Variants in CCM2 observed in about 807,000 individuals in gnomAD.
CCM2 encodes the protein CCM2 scaffold protein.
Under a neutral mutation model 44.9 loss-of-function variants are expected in CCM2, and 25 were observed. The observed-to-expected ratio is 0.56, with a 90% confidence interval of 0.41 to 0.78. The LOEUF is 0.78. Among genes scored for constraint, CCM2 ranks in the 30% least tolerant of loss-of-function variants. The pLI, the probability that CCM2 is intolerant of heterozygous loss-of-function variation, is 0.00. For missense variants in CCM2, 481 were observed against 580.6 expected (o/e 0.83, Z 1.76); for synonymous variants, 219 against 241.1 (o/e 0.91, Z 0.85).
At chr7:45,044,098 C>T (rs1245910932) in intron 2 of CCM2, among the ~76,000 whole-genome samples, 10 of 152,120 alleles carry the variant, frequency 6.6e-5, no homozygotes, top group Non-Finnish European at 1.2e-4. Context: ...TTTATTTTTT[C>T]CATTCCCTCC....
intron 1 of CCM2, among the ~76,000 whole-genome samples, chr7:45,023,131 CCTTT>C (rs1187173773): frequency 6.6e-6 from 1 of 152,194 alleles, no homozygotes; most frequent in East Asian, 1.9e-4. Flanking sequence ...CCACTTTCTC[CCTTT>C]CTAAGTCTCC....
intron 1 of CCM2, among the ~76,000 whole-genome samples, chr7:45,005,897 G>A (rs1795828839): frequency 6.6e-6 from 1 of 152,258 alleles, no homozygotes; most frequent in Non-Finnish European, 1.5e-5. Context: ...GTCCTGGGAA[G>A]TCCTTGGGCT....
intron 1 of CCM2, among the ~76,000 whole-genome samples, chr7:45,030,651 G>C (rs925536652): frequency 6.6e-6 from 1 of 152,178 alleles, no homozygotes; most frequent in Admixed American, 6.5e-5. Context: ...CTGGCCTCAA[G>C]CGATCCTCTT....
intron 2 of CCM2, among the ~76,000 whole-genome samples, chr7:45,060,129 CT>C (rs1313440489): frequency 3.9e-5 from 6 of 152,164 alleles, no homozygotes; most frequent in Admixed American, 3.9e-4. Context: ...GTTCTTTTAA[CT>C]TTTCTTGAAA....
At chr7:45,018,418 C>T (rs761710153) in intron 1 of CCM2, among the ~76,000 whole-genome samples, 25 of 152,068 alleles carry the variant, frequency 1.6e-4, no homozygotes, top group African/African-American at 2.2e-4. Flanking sequence ...AGTGCAGTGG[C>T]GTGATCTTGC....
intron 5 of CCM2, among the ~76,000 whole-genome samples, chr7:45,068,985 C>T (rs752643403): frequency 3.3e-5 from 5 of 152,218 alleles, no homozygotes; most frequent in Non-Finnish European, 5.9e-5. Flanking sequence ...CGGGCAGCGG[C>T]GGTCACCTGT....
At chr7:45,066,515 G>A (rs1025353423) in intron 4 of CCM2, among the ~76,000 whole-genome samples, 8 of 152,176 alleles carry the variant, frequency 5.3e-5, no homozygotes, top group Non-Finnish European at 8.8e-5. Flanking sequence ...AATAGCTAAC[G>A]TTTACTTGGT....
At chr7:45,013,249 G>GT (rs1225442942) in intron 1 of CCM2, among the ~76,000 whole-genome samples, 1 of 151,338 alleles carries the variant, frequency 6.6e-6, no homozygotes, top group Non-Finnish European at 1.5e-5. Flanking sequence ...ACTCCCTCCT[G>GT]TTTTTTGCAA....
At chr7:45,032,252 G>A in intron 1 of CCM2, among the ~76,000 whole-genome samples, 1 of 152,122 alleles carries the variant, frequency 6.6e-6, no homozygotes, top group East Asian at 1.9e-4. Flanking sequence ...AAGGACTAGG[G>A]CCAGAGAGAC....
chr7:45,066,411 T>C (rs1019407025), intron 4 of CCM2, among the ~76,000 whole-genome samples: 2 of 152,188 alleles, frequency 1.3e-5, no homozygotes, highest in Non-Finnish European at 2.9e-5. Context: ...CCTCCCAAAG[T>C]GTTGGGACTA....
intron 1 of CCM2, among the ~76,000 whole-genome samples, chr7:45,001,636 T>C (rs961610301): frequency 6.6e-6 from 1 of 152,204 alleles, no homozygotes; most frequent in Admixed American, 6.5e-5. Context: ...GACCTCATTG[T>C]GCACCGCTTA....
chr7:45,029,900 A>T (rs1583881520), intron 1 of CCM2, among the ~76,000 whole-genome samples: 3 of 152,366 alleles, frequency 2.0e-5, no homozygotes, highest in South Asian at 4.1e-4. Context: ...TTTAAGCTTA[A>T]GACGTTAACT....
chr7:45,072,910 C>A, intron 7 of CCM2, 127 bp downstream of exon 7: 1 of 792,908 alleles, frequency 1.3e-6, no homozygotes, highest in Non-Finnish European at 2.2e-6. Flanking sequence ...CCCAGACCCA[C>A]TGTACCCAGC....
chr7:45,041,376 A>G (rs1350978890), intron 2 of CCM2, among the ~76,000 whole-genome samples: 3 of 152,222 alleles, frequency 2.0e-5, no homozygotes, highest in East Asian at 1.9e-4. Flanking sequence ...ATCCTTGGAC[A>G]CTATATGCAA....
chr7:45,064,389 A>G (rs1404606643), intron 3 of CCM2, 74 bp from the exon 4 acceptor site: 27 of 1,451,250 alleles, frequency 1.9e-5, no homozygotes, highest in Admixed American at 1.2e-4. Context: ...GGCCAGCACA[A>G]TATTCTCAGG....
intron 1 of CCM2, among the ~76,000 whole-genome samples, chr7:45,006,666 G>T (rs1202453876): frequency 1.3e-5 from 2 of 152,234 alleles, no homozygotes; most frequent in East Asian, 3.9e-4. Context: ...CTTTAAGGAG[G>T]TGATTGAGGT....
At chr7:45,007,865 A>AG (rs1428350153) in intron 1 of CCM2, among the ~76,000 whole-genome samples, 1 of 152,132 alleles carries the variant, frequency 6.6e-6, no homozygotes, top group Non-Finnish European at 1.5e-5. Context: ...TGTACCTTGG[A>AG]GAAAAAAAAG....
At chr7:45,025,900 T>C (rs1796670208) in intron 1 of CCM2, among the ~76,000 whole-genome samples, 1 of 152,216 alleles carries the variant, frequency 6.6e-6, no homozygotes, top group African/African-American at 2.4e-5. Flanking sequence ...TGTCTCTAAG[T>C]ATACTAGCTA....
In CCM2 at chr7:45,074,314, A is replaced by G. The variant is rs1174545935; in HGVS notation, c.960A>G (p.Ala320=). ...LSSQEIQQFA[A]LLHEYRNGAS... is the part of the protein sequence containing the mutation. ...CACAGGAGATCCAGCAGTTTGCAGCACTGCTGCACGAGTACCGCAATGGGG... is the reference window on the plus strand; with the variant it reads ...CACAGGAGATCCAGCAGTTTGCAGCGCTGCTGCACGAGTACCGCAATGGGG... Residue 320 remains alanine (A), a synonymous_variant, in exon 9 of 10, where the codon GCA becomes GCG. Coordinates refer to ENST00000258781, the MANE Select transcript of CCM2 (RefSeq NM_031443.4). 1 of 1,613,750 alleles carries G rather than the reference A, an allele frequency of 6.2e-7. No homozygotes were observed. Among genetic ancestry groups the G allele is most frequent in the Non-Finnish European group, 8.5e-7 (1 of 1,180,024 alleles).
Sources: gnomAD v4.1 joint callset for allele counts (sites outside exome capture counted in the v4.1 genomes callset) on GRCh38, gnomAD v4.1.1 for gene constraint, MANE v1.5 for transcripts, NCBI Gene and HGNC (gene_info 2026-07-23, HGNC 2026-07-21) for gene names.